The following PHF20 variants were observed in gnomAD, a reference collection of about 807,000 sequenced individuals.
PHF20 encodes the protein glioma-expressed antigen 2.
In PHF20, 23 loss-of-function variants were observed where a neutral mutation model predicts 113.5. The observed-to-expected ratio is 0.20, with a 90% CI of 0.15 to 0.29. The LOEUF is 0.29. Ranked by LOEUF, PHF20 falls within the 10% of genes least tolerant of loss-of-function variation. PHF20 has a pLI of 1.00. For synonymous variants in PHF20, 434 were observed against 457.3 expected, an observed-to-expected ratio of 0.95 and a Z score of 0.65; for missense variants, 943 against 1,219.6, an observed-to-expected ratio of 0.77 and a Z score of 3.38.
chr20:35,838,069 A>G (rs2042473319), intron 2 of PHF20, among the ~76,000 whole-genome samples: 1 of 152,070 alleles, frequency 6.6e-6, no homozygotes, highest in Non-Finnish European at 1.5e-5. Flanking sequence ...TGAATGAGGG[A>G]GAAGCTTTAC....
At chr20:35,807,479 G>A (rs750787494) in intron 2 of PHF20, among the ~76,000 whole-genome samples, 6 of 150,610 alleles carry the variant, frequency 4.0e-5, no homozygotes, top group Non-Finnish European at 7.4e-5. Context: ...TCAGACTCCC[G>A]AGTAGCTGGG....
chr20:35,880,982 T>A (rs930638566), intron 9 of PHF20, among the ~76,000 whole-genome samples: 1 of 151,606 alleles, frequency 6.6e-6, no homozygotes, highest in African/African-American at 2.4e-5. Flanking sequence ...AATTAAAAAT[T>A]TTTTTTTAGA....
chr20:35,818,735 C>T (rs2042118250), intron 2 of PHF20, among the ~76,000 whole-genome samples: 1 of 152,052 alleles, frequency 6.6e-6, no homozygotes, highest in African/African-American at 2.4e-5. Flanking sequence ...CTGAGTCTCG[C>T]TGTGTTGCTT....
chr20:35,825,250 G>A (rs1380731683), intron 2 of PHF20, among the ~76,000 whole-genome samples: 1 of 152,136 alleles, frequency 6.6e-6, no homozygotes, highest in Non-Finnish European at 1.5e-5. Context: ...TCAAACTCCT[G>A]GGCTCAAGTG....
At chr20:35,827,053 G>T (rs1231104934) in intron 2 of PHF20, among the ~76,000 whole-genome samples, 1 of 152,178 alleles carries the variant, frequency 6.6e-6, no homozygotes, top group Non-Finnish European at 1.5e-5. Context: ...GGCTTAGAAT[G>T]TTCCTTTTGT....
intron 1 of PHF20, among the ~76,000 whole-genome samples, chr20:35,773,031 C>T (rs1480839039): frequency 6.6e-6 from 1 of 152,148 alleles, no homozygotes; most frequent in Non-Finnish European, 1.5e-5. Flanking sequence ...TGCCTTCTCC[C>T]GAGACTGTAT....
chr20:35,791,441 GTATC>G (rs72192292), intron 1 of PHF20, among the ~76,000 whole-genome samples: 33,559 of 130,820 alleles, frequency 0.26, 4,560 homozygotes, highest in East Asian at 0.31. Flanking sequence ...TACCAGAATA[GTATC>G]TATCTATCTA....
In PHF20 at chr20:35,796,669, T is replaced by G. The variant is rs2041672418; in HGVS notation, c.-32-4822T>G. Among the ~76,000 whole-genome samples the G allele has an allele frequency of 2.0e-5, 3 of 152,192 alleles. No homozygotes were observed. In the South Asian group the frequency reaches 6.2e-4, roughly 31 times the overall value. ...ATTTTGACACAACATTTGAAAAGCA[T>G]CCAGTTGCTTTATCTTCCTGTATTC... On this transcript the variant is annotated intron_variant, in intron 1 of 17. Transcript: ENST00000374012.
intron 2 of PHF20, among the ~76,000 whole-genome samples, chr20:35,829,073 C>G (rs1198057748): frequency 6.6e-6 from 1 of 152,068 alleles, no homozygotes; most frequent in Non-Finnish European, 1.5e-5. Context: ...GGTGCTGGTT[C>G]CTGACAGGTG....
At position 35,863,112 on chromosome 20, in the gene PHF20, G is replaced by A; in HGVS notation, c.520G>A (p.Val174Met). The A allele has an allele frequency of 2.5e-6, 4 of 1,613,500 alleles. No individual in the cohort carries two copies. The highest frequency in any genetic ancestry group is 3.4e-6 in the Non-Finnish European group (4 of 1,179,848). Residue 174 changes from valine (V) to methionine (M), a missense_variant, in exon 6 of 18, where the codon GTG becomes ATG. Around this residue, in one of 3 missense-constraint regions of PHF20, gnomAD observed 592 missense variants for 787.2 expected, o/e 0.75. Coordinates refer to ENST00000374012, the MANE Select transcript of PHF20 (RefSeq NM_016436.5). The stretch of plus-strand genomic sequence containing the variant: ...GTTTAAAGAACAGAGAAAAGCAACA[G>A]TGAATGTGAAGAAAGACAAAGAAGA... ...EKFKEQRKAT[V>M]NVKKDKEDKP...
chr20:35,870,303 CAAAAAAAAAAAAA>C (rs1174014648), intron 7 of PHF20, among the ~76,000 whole-genome samples: 10 of 53,214 alleles, frequency 1.9e-4, no homozygotes, highest in East Asian at 7.1e-4. Context: ...GACTCCGTCT[CAAAAAAAAAAAAA>C]AAAAAAAAAA....
rs1481344505 is a variant in PHF20 at position 35,927,816 on chromosome 20, A to G, written c.2041A>G (p.Met681Val). 3.7e-6 allele frequency: 6 copies of G among 1,613,962 alleles called. No individual in the cohort carries two copies. The highest frequency in any genetic ancestry group is 2.2e-5 in the East Asian group (1 of 44,900). Reference sequence around the variant, plus strand: ...CCAGTGCTGGCAGCATGGGGTCTGCATGGGATTACTGGAAGAAAATGTGCC... The same window carrying G: ...CCAGTGCTGGCAGCATGGGGTCTGCGTGGGATTACTGGAAGAAAATGTGCC... ...ECQCWQHGVC[M>V]GLLEENVPEK... is the part of the protein sequence containing the mutation. The change falls in exon 14 of 18, where the codon ATG becomes GTG. Residue 681 changes from methionine to valine, a missense_variant. Physicochemically the swap from Met to Val is conservative, Grantham distance 21. This residue lies in a region of PHF20 where 349 missense variants were observed against 412.3 expected (regional missense o/e 0.85). Transcript: ENST00000374012.
intron 1 of PHF20, among the ~76,000 whole-genome samples, chr20:35,794,555 A>G (rs1204520880): frequency 6.6e-6 from 1 of 152,138 alleles, no homozygotes; most frequent in Non-Finnish European, 1.5e-5. Context: ...GTCACCCTTT[A>G]ATGGAGGTTG....
At chr20:35,874,225 C>G (rs2054477408) in intron 9 of PHF20, among the ~76,000 whole-genome samples, 2 of 152,238 alleles carry the variant, frequency 1.3e-5, no homozygotes, top group Admixed American at 1.3e-4. Context: ...ATCTACCCGC[C>G]TTGACTTCCC....
intron 2 of PHF20, among the ~76,000 whole-genome samples, chr20:35,825,213 G>A (rs1396625136): frequency 2.0e-5 from 3 of 152,172 alleles, no homozygotes; most frequent in Non-Finnish European, 2.9e-5. Flanking sequence ...GAAGAGATGG[G>A]AGTCTTGGTA....
At chr20:35,918,009 T>G in intron 13 of PHF20, among the ~76,000 whole-genome samples, 1 of 152,196 alleles carries the variant, frequency 6.6e-6, no homozygotes, top group East Asian at 1.9e-4. Flanking sequence ...AATCTTCCCA[T>G]GGACTCTTAT....
At position 35,803,393 on chromosome 20, in the gene PHF20, G is replaced by A. The variant is rs557233996; in HGVS notation, c.83+1788G>A. 1.3e-4 allele frequency among the ~76,000 whole-genome samples: 19 copies of A among 149,848 alleles called. No homozygotes were observed. In the East Asian group the frequency reaches 3.6e-3, roughly 28 times the overall value. ...GGCTGGAGTGTAGTGGCGTGATCTC[G>A]GCTCACTGCAGTCTTTGCCTCCTAG... On this transcript the variant is annotated intron_variant, in intron 2 of 17. Transcript: ENST00000374012.
chr20:35,805,385 T>G (rs1447438565), intron 2 of PHF20, among the ~76,000 whole-genome samples: 3 of 147,258 alleles, frequency 2.0e-5, no homozygotes, highest in African/African-American at 7.4e-5. Context: ...ATTATTATTA[T>G]TATTATTATT....
At chr20:35,874,904 C>T (rs2054490490) in intron 9 of PHF20, among the ~76,000 whole-genome samples, 1 of 151,686 alleles carries the variant, frequency 6.6e-6, no homozygotes, top group Non-Finnish European at 1.5e-5. Flanking sequence ...ATATTGAAGG[C>T]CTTGCATCAA....
Sources: allele counts gnomAD v4.1 joint callset (sites outside exome capture counted in the v4.1 genomes callset), GRCh38; gene constraint gnomAD v4.1.1; regional missense constraint gnomAD v4.1.1; transcripts MANE v1.5; gene names NCBI Gene and HGNC (gene_info 2026-07-23, HGNC 2026-07-21).